MTMR10: variants seen among roughly 807,000 people sequenced by gnomAD.
MTMR10 encodes myotubularin related protein 10, also known as myotubularin-related protein 10.
A neutral mutation model predicts 88.1 loss-of-function variants in MTMR10; 56 were observed. The ratio of observed to expected loss-of-function variants is 0.64; its 90% confidence interval spans 0.51 to 0.79. The LOEUF is 0.79. Ranked by LOEUF, MTMR10 falls within the 30% of genes least tolerant of loss-of-function variation. The pLI is 0.00. For missense variants in MTMR10, 883 were observed against 924.7 expected, an observed-to-expected ratio of 0.95 and a Z score of 0.58; for synonymous variants, 380 against 340.9, an observed-to-expected ratio of 1.11 and a Z score of -1.26.
chr15:30,941,927 T>A lies in MTMR10; in HGVS notation c.1877A>T (p.Asp626Val). The change falls in exon 16 of 16, where the codon GAT (aspartate) becomes GTT (valine). Residue 626 changes from aspartate to valine, a missense_variant. Around this residue, in one of 3 missense-constraint regions of MTMR10, gnomAD observed 343 missense variants for 323.2 expected, o/e 1.06. Coordinates refer to ENST00000435680, the MANE Select transcript of MTMR10 (RefSeq NM_017762.3). The stretch of plus-strand genomic sequence containing the variant: ...CCATTCTCTAAAATACTGCTCCGTA[T>A]CACTGTTCTGGCTGTCGGTTTGCTG... ...PAQQTDSQNS[D>V]TEQYFREWFS... 1 of 1,614,042 alleles carries A rather than the reference T, an allele frequency of 6.2e-7. No individual in the cohort carries two copies. Among genetic ancestry groups the A allele is most frequent in the Non-Finnish European group, 8.5e-7 (1 of 1,179,894 alleles).
the MTMR10 span, among the ~76,000 whole-genome samples, chr15:30,929,949 A>G: frequency 8.3e-6 from 1 of 120,424 alleles, no homozygotes; most frequent in Middle Eastern, 3.9e-3. Flanking sequence ...TATATAATAT[A>G]ATATATATCA....
the MTMR10 span, chr15:30,922,255 A>G: frequency 6.2e-7 from 1 of 1,610,380 alleles, no homozygotes; most frequent in Non-Finnish European, 8.5e-7. Flanking sequence ...GAGAACTTGA[A>G]AGCCTTTTGT....
intron 2 of MTMR10, among the ~76,000 whole-genome samples, chr15:30,979,669 T>C (rs1466607487): frequency 1.3e-5 from 2 of 152,198 alleles, no homozygotes; most frequent in Non-Finnish European, 2.9e-5. Flanking sequence ...GGCAGAGCCT[T>C]GTGGCCACAC....
At chr15:30,928,951 G>A in the MTMR10 span, 689 of 327,288 alleles carry the variant, frequency 2.1e-3, 1 homozygote, top group Non-Finnish European at 2.7e-3. Context: ...ACTGTGCCAA[G>A]GAGCTCACAG....
At chr15:30,970,596 T>G (rs1298180879) in intron 5 of MTMR10, among the ~76,000 whole-genome samples, 2 of 152,294 alleles carry the variant, frequency 1.3e-5, no homozygotes, top group Admixed American at 6.5e-5. Context: ...ATAATAATAA[T>G]ACTAATGTCT....
intron 2 of MTMR10, among the ~76,000 whole-genome samples, chr15:30,987,072 T>C (rs919221641): frequency 2.0e-5 from 3 of 152,232 alleles, no homozygotes; most frequent in African/African-American, 7.2e-5. Flanking sequence ...GAAATTCACA[T>C]AATGAGAGGA....
intron 13 of MTMR10, 64 bp downstream of exon 13, chr15:30,948,238 A>C: frequency 6.9e-7 from 1 of 1,457,642 alleles, no homozygotes; most frequent in African/African-American, 1.4e-5. Context: ...TTCATCTTTT[A>C]ATGACACAAA....
the MTMR10 span, chr15:30,926,931 T>A: frequency 1.0e-6 from 1 of 985,438 alleles, no homozygotes; most frequent in East Asian, 1.1e-4. Flanking sequence ...CAGAGCGATC[T>A]CAACCTCTTC....
chr15:30,932,810 T>TCAAG, the MTMR10 span, among the ~76,000 whole-genome samples: 1 of 151,226 alleles, frequency 6.6e-6, no homozygotes, highest in East Asian at 2.0e-4. Context: ...CCTCCTGGGT[T>TCAAG]CAAGTGATTC....
Position 30,941,371 on chromosome 15 carries a change from A to G in MTMR10, c.*99T>C. ...TGCAAATTCCAACTATTATTCTTACATATAAAGTTATTAGAGATTCAAACG... is the reference window on the plus strand; with the variant it reads ...TGCAAATTCCAACTATTATTCTTACGTATAAAGTTATTAGAGATTCAAACG... On this transcript the variant is annotated 3_prime_UTR_variant, in exon 16 of 16. Coordinates refer to ENST00000435680, the MANE Select transcript of MTMR10 (RefSeq NM_017762.3). 6.5e-7 allele frequency: 1 copy of G among 1,536,554 alleles called. No individual in the cohort carries two copies. Among genetic ancestry groups the G allele is most frequent in the Non-Finnish European group, 8.7e-7 (1 of 1,144,270 alleles).
At chr15:30,975,124 G>T in intron 3 of MTMR10, 121 bp from the exon 4 acceptor site, 1 of 714,280 alleles carries the variant, frequency 1.4e-6, no homozygotes, top group Non-Finnish European at 2.2e-6. Context: ...AAAAGCTTTT[G>T]TCTAGGTAGC....
rs955652389 is a variant in MTMR10, at chr15:30,940,401, G to T, written c.*1069C>A. 27 of 985,290 alleles carry T rather than the reference G, an allele frequency of 2.7e-5. No individual in the cohort carries two copies. The highest frequency in any genetic ancestry group is 3.5e-5 in the African/African-American group (2 of 57,228). The allele number at this position is 985,290 out of a possible 1,614,324, so 61.0% of individuals were successfully genotyped here. ...CTATTCAAATGGCAGTGTTTTGAGA[G>T]AATCCATTTTTTTATTTCTCCTCTA... On this transcript the variant is annotated 3_prime_UTR_variant, in exon 16 of 16. Transcript: ENST00000435680.
chr15:30,934,954 G>A (rs2062812150), downstream of MTMR10, among the ~76,000 whole-genome samples: 1 of 152,086 alleles, frequency 6.6e-6, no homozygotes, highest in African/African-American at 2.4e-5. Context: ...ATTTACTCAT[G>A]TACATAGCAT....
At chr15:30,958,229 T>C (rs556579911) in intron 9 of MTMR10, among the ~76,000 whole-genome samples, 1 of 152,208 alleles carries the variant, frequency 6.6e-6, no homozygotes, top group East Asian at 1.9e-4. Context: ...GAAGCGGCCT[T>C]AGAATCTGTG....
chr15:30,967,095 G>C (rs572407028), intron 6 of MTMR10, among the ~76,000 whole-genome samples: 2 of 152,154 alleles, frequency 1.3e-5, no homozygotes, highest in African/African-American at 4.8e-5. Flanking sequence ...GTATGGCCCA[G>C]AGCATGCTGG....
At chr15:30,935,831 G>A (rs997786660), downstream of MTMR10, among the ~76,000 whole-genome samples, 1 of 152,142 alleles carries the variant, frequency 6.6e-6, no homozygotes, top group Non-Finnish European at 1.5e-5. Flanking sequence ...TTTCCAATCA[G>A]AGAATCTTTT....
At chr15:30,952,930 C>T (rs1001315154) in intron 11 of MTMR10, among the ~76,000 whole-genome samples, 1 of 152,160 alleles carries the variant, frequency 6.6e-6, no homozygotes, top group Non-Finnish European at 1.5e-5. Context: ...GCTGGGACTA[C>T]AGGTGCGTGC....
rs562907508 is a variant in MTMR10 at position 30,988,080 on chromosome 15, C to T, written c.121+2697G>A. Among the ~76,000 whole-genome samples the T allele has an allele frequency of 6.6e-5, 10 of 152,276 alleles. 1 individual carries two copies. The highest frequency in any genetic ancestry group is 5.8e-4 in the East Asian group (3 of 5,182). ...CTAGGTCTTTAGATCACCAATAGTT[C>T]GGTAACTTTCCACTTGTCTTCCAGA... On this transcript the variant is annotated intron_variant, in intron 2 of 15. Coordinates refer to ENST00000435680, the MANE Select transcript of MTMR10 (RefSeq NM_017762.3).
intron 5 of MTMR10, among the ~76,000 whole-genome samples, chr15:30,971,315 T>A (rs979615593): frequency 1.8e-4 from 28 of 152,314 alleles, no homozygotes; most frequent in African/African-American, 6.3e-4. Flanking sequence ...GCTGATAATC[T>A]TCTCTGGACA....
Sources: allele counts gnomAD v4.1 joint callset (sites outside exome capture counted in the v4.1 genomes callset), GRCh38; gene constraint gnomAD v4.1.1; regional missense constraint gnomAD v4.1.1; transcripts MANE v1.5; gene names NCBI Gene and HGNC (gene_info 2026-07-23, HGNC 2026-07-21).